SPON2: variants seen among roughly 807,000 people sequenced by gnomAD.
SPON2 encodes the protein spondin-2.
SPON2 carries 32 observed loss-of-function variants against 29.9 expected under a neutral mutation model. The ratio of observed to expected loss-of-function variants is 1.07; its 90% CI spans 0.81 to 1.44. The LOEUF (loss-of-function observed/expected upper bound fraction) is 1.44. SPON2 is among the 40% of genes most tolerant of loss of function. The pLI, the probability that SPON2 is intolerant of heterozygous loss-of-function variation, is 0.00. For missense variants in SPON2, 541 were observed against 455.5 expected (o/e 1.19, Z -1.71); for synonymous variants, 248 against 209.1 (o/e 1.19, Z -1.61).
upstream of SPON2, among the ~76,000 whole-genome samples, chr4:1,198,183 C>A (rs1247566700): frequency 2.0e-5 from 3 of 152,164 alleles, no homozygotes; most frequent in South Asian, 2.1e-4. Context: ...GATGAGACAG[C>A]CCGCTCGGCC....
chr4:1,167,777 A>T, intron 5 of SPON2, 121 bp from the exon 6 acceptor site: 1 of 1,107,992 alleles, frequency 9.0e-7, no homozygotes, highest in Non-Finnish European at 1.3e-6. Flanking sequence ...CTTCGGGGGC[A>T]CTTGCGTTTC....
upstream of SPON2, among the ~76,000 whole-genome samples, chr4:1,177,462 G>T (rs1219563870): frequency 6.6e-6 from 1 of 152,242 alleles, no homozygotes; most frequent in Non-Finnish European, 1.5e-5. Context: ...AGTCTGTGCT[G>T]CTTAAATTGG....
chr4:1,186,033 A>T (rs1318850536), intron 1 of SPON2, among the ~76,000 whole-genome samples: 3 of 150,358 alleles, frequency 2.0e-5, no homozygotes, highest in East Asian at 2.0e-4. Flanking sequence ...TCACGAGGTC[A>T]GGAGATCGAG....
At chr4:1,186,080 T>C (rs1201542693) in intron 1 of SPON2, among the ~76,000 whole-genome samples, 1 of 136,426 alleles carries the variant, frequency 7.3e-6, no homozygotes, top group Non-Finnish European at 1.7e-5. Context: ...CCATCTCTAC[T>C]AAAAATACAA....
chr4:1,190,477 G>A lies in SPON2; in HGVS notation c.-239+4513C>T, dbSNP rs1026016696. Among the ~76,000 whole-genome samples, 8 of 152,046 alleles carry A rather than the reference G, an allele frequency of 5.3e-5. No homozygotes were observed. In the South Asian group the frequency reaches 6.2e-4, roughly 12 times the overall value. On this transcript the variant is annotated intron_variant, in intron 1 of 3. Coordinates refer to the SPON2 transcript ENST00000502483. ...CCTGATACCAAAACTAGACAAAATCGTCACACAAAAAATAAACTTTCCAGT... is the reference window on the plus strand; with the variant it reads ...CCTGATACCAAAACTAGACAAAATCATCACACAAAAAATAAACTTTCCAGT...
chr4:1,203,280 C>T (rs771324548), intron 1 of SPON2, among the ~76,000 whole-genome samples: 15 of 152,332 alleles, frequency 9.8e-5, no homozygotes, highest in Non-Finnish European at 1.6e-4. Flanking sequence ...CCCCCAGCCC[C>T]GGGCAGCTGG....
At chr4:1,171,719 A>G in intron 2 of SPON2, 133 bp downstream of exon 2, 1 of 813,208 alleles carries the variant, frequency 1.2e-6, no homozygotes, top group East Asian at 2.5e-5. Context: ...GGCGCTCGGC[A>G]AACATTCTGG....
At chr4:1,183,783 T>C (rs754544901) in intron 1 of SPON2, among the ~76,000 whole-genome samples, 1 of 152,116 alleles carries the variant, frequency 6.6e-6, no homozygotes, top group Non-Finnish European at 1.5e-5. Context: ...ATCCCCATGG[T>C]AACCACAAAG....
At chr4:1,172,898 CCTCCCCTCCCCT>C, upstream of SPON2, 1 of 6,582 alleles carries the variant, frequency 1.5e-4, no homozygotes, top group Admixed American at 2.0e-3. Flanking sequence ...CCCCTCCCCT[CCTCCCCTCCCCT>C]CCTCCCCTCC....
In SPON2 at chr4:1,171,246, G is replaced by T. The variant is rs777757864; in HGVS notation, c.444+17C>A. The T allele has an allele frequency of 1.4e-6, 2 of 1,434,762 alleles. No individual in the cohort carries two copies. Among genetic ancestry groups the T allele is most frequent in the South Asian group, 3.0e-5 (2 of 67,534 alleles). 88.9% of individuals were successfully genotyped at this position (1,434,762 alleles called of 1,614,324 possible). A position where few individuals can be genotyped will look rare whatever the true frequency, so the allele number is the denominator to read the frequency against. ...CCCGGCCCCCCGGACCCCGCCCCCG[G>T]CCGGCCCCGCGCTCACCAGCGAGTG... On this transcript the variant is annotated intron_variant, in intron 3 of 5. Coordinates refer to ENST00000290902, the MANE Select transcript of SPON2 (RefSeq NM_012445.4).
intron 1 of SPON2, among the ~76,000 whole-genome samples, chr4:1,206,783 TA>T (rs1341576569): frequency 6.6e-6 from 1 of 151,596 alleles, no homozygotes; most frequent in East Asian, 2.0e-4. Flanking sequence ...AACCCCAGTC[TA>T]AGGCGAACCC....
intron 1 of SPON2, among the ~76,000 whole-genome samples, chr4:1,192,794 A>T (rs560413816): frequency 4.6e-5 from 7 of 152,296 alleles, no homozygotes; most frequent in Non-Finnish European, 5.9e-5. Context: ...GGGAGATGCC[A>T]CCGGCCAAGG....
chr4:1,171,440 G>A lies in SPON2; in HGVS notation c.267C>T (p.Tyr89=), dbSNP rs771503190. ...CAAAGTCGCGCAGCCCGTTACTGACGTACTGGTTCTTCCTCCACATGCTGT... is the reference window on the plus strand; with the variant it reads ...CAAAGTCGCGCAGCCCGTTACTGACATACTGGTTCTTCCTCCACATGCTGT... ...SDYSMWRKNQ[Y]VSNGLRDFAE... is the part of the protein sequence containing the mutation. Residue 89 remains tyrosine, a synonymous_variant, in exon 3 of 6, where the codon TAC becomes TAT. Transcript: ENST00000290902. 3 of 1,612,258 alleles carry A rather than the reference G, an allele frequency of 1.9e-6. No homozygotes were observed. Among genetic ancestry groups the A allele is most frequent in the Non-Finnish European group, 2.5e-6 (3 of 1,179,756 alleles).
At chr4:1,179,748 G>T (rs1727671789) in intron 1 of SPON2, among the ~76,000 whole-genome samples, 1 of 151,280 alleles carries the variant, frequency 6.6e-6, no homozygotes. Context: ...AGCCTGAGCT[G>T]GAGCTCTTTC....
At chr4:1,195,324 T>A (rs1307298788), upstream of SPON2, among the ~76,000 whole-genome samples, 1 of 152,044 alleles carries the variant, frequency 6.6e-6, no homozygotes, top group African/African-American at 2.4e-5. Flanking sequence ...CTCTCCCCCA[T>A]CCACTACTCC....
At chr4:1,178,402 C>T (rs1020477240) in intron 2 of SPON2, among the ~76,000 whole-genome samples, 1 of 151,784 alleles carries the variant, frequency 6.6e-6, no homozygotes, top group African/African-American at 2.4e-5. Context: ...TCCTGGCCCC[C>T]TCCCCCTCCC....
intron 1 of SPON2, among the ~76,000 whole-genome samples, chr4:1,184,552 C>T (rs994483708): frequency 4.6e-5 from 7 of 152,160 alleles, no homozygotes. Context: ...GGGGGACTCA[C>T]ACTTCCTGAT....
At chr4:1,207,243 G>A (rs1453179259) in intron 1 of SPON2, among the ~76,000 whole-genome samples, 2 of 152,150 alleles carry the variant, frequency 1.3e-5, no homozygotes, top group Non-Finnish European at 2.9e-5. Flanking sequence ...GAGGCCGGAG[G>A]CCTAGACGCC....
intron 5 of SPON2, among the ~76,000 whole-genome samples, chr4:1,169,258 T>C (rs1050990868): frequency 1.3e-5 from 2 of 151,996 alleles, no homozygotes; most frequent in Non-Finnish European, 2.9e-5. Flanking sequence ...GCCAGACCAG[T>C]TGCACACCAC....
Sources: allele counts gnomAD v4.1 joint callset (sites outside exome capture counted in the v4.1 genomes callset), GRCh38; gene constraint gnomAD v4.1.1; transcripts MANE v1.5; gene names NCBI Gene and HGNC (gene_info 2026-07-23, HGNC 2026-07-21).